Variants in NOL10 observed in about 807,000 individuals in gnomAD.
NOL10 encodes the protein H_NH0074G24.1.
In NOL10, 58 loss-of-function variants were observed where a neutral mutation model predicts 103.5. That is an observed-to-expected ratio of 0.56 (90% CI 0.45 to 0.70). The LOEUF is 0.70. NOL10 is among the 30% of genes least tolerant of loss of function. The pLI, the probability that NOL10 is intolerant of heterozygous loss-of-function variation, is 0.00. For missense variants in NOL10, 763 were observed against 807.3 expected, an observed-to-expected ratio of 0.95 and a Z score of 0.67; for synonymous variants, 287 against 282.5, an observed-to-expected ratio of 1.02 and a Z score of -0.16.
At chr2:10,572,302 G>A (rs1674220098) in intron 20 of NOL10, 112 bp from the exon 21 acceptor site, 7 of 1,145,558 alleles carry the variant, frequency 6.1e-6, no homozygotes, top group Middle Eastern at 2.0e-4. Context: ...CTGCTGCCAG[G>A]AGAAATGCTG....
chr2:10,589,689 T>C lies in NOL10; in HGVS notation c.1485A>G (p.Gln495=). 1.3e-6 allele frequency: 2 copies of C among 1,585,892 alleles called. No individual in the cohort carries two copies. The highest frequency in any genetic ancestry group is 1.3e-5 in the African/African-American group (1 of 74,262). Residue 495 remains glutamine, a synonymous_variant, in exon 18 of 21, where the codon CAA becomes CAG. Coordinates refer to ENST00000381685, the MANE Select transcript of NOL10 (RefSeq NM_024894.4). The part of the protein sequence containing the change: ...FKVMFENPDF[Q]VDEESEEFRL... ...TAAATTCTTCACTCTCTTCATCTAC[T>C]TGGAAGTCAGGGTTCTCAAACATAA...
At chr2:10,659,995 A>T (rs1680090793) in intron 9 of NOL10, among the ~76,000 whole-genome samples, 1 of 152,202 alleles carries the variant, frequency 6.6e-6, no homozygotes, top group Non-Finnish European at 1.5e-5. Flanking sequence ...TGCTTCTCAC[A>T]TACCAACCAA....
chr2:10,652,513 A>C lies in NOL10; in HGVS notation c.973+1968T>G, dbSNP rs540145327. 2.0e-5 allele frequency among the ~76,000 whole-genome samples: 3 copies of C among 152,300 alleles called. No homozygotes were observed. The East Asian group carries it at 5.8e-4, about 29-fold the overall frequency. ...TCCAGATTGATAACAGCAGCATGCA[A>C]TCAATCTTAGTTCTTTCCTTCCTGC... On this transcript the variant is annotated intron_variant, in intron 12 of 20. Coordinates refer to ENST00000381685, the MANE Select transcript of NOL10 (RefSeq NM_024894.4).
intron 13 of NOL10, among the ~76,000 whole-genome samples, chr2:10,610,571 T>C (rs1046347257): frequency 6.6e-6 from 1 of 152,230 alleles, no homozygotes; most frequent in Non-Finnish European, 1.5e-5. Context: ...GTTGAAATTA[T>C]TGATTTACAC....
intron 6 of NOL10, among the ~76,000 whole-genome samples, chr2:10,670,408 C>A (rs752044289): frequency 6.6e-6 from 1 of 151,958 alleles, no homozygotes; most frequent in African/African-American, 2.4e-5. Context: ...ATACTAATAG[C>A]CAAAAAGATA....
At chr2:10,633,880 G>T (rs1384031374) in intron 13 of NOL10, among the ~76,000 whole-genome samples, 1 of 151,968 alleles carries the variant, frequency 6.6e-6, no homozygotes, top group Non-Finnish European at 1.5e-5. Context: ...AGGCTGGAGT[G>T]CAGTAGCATG....
At chr2:10,592,165 G>A (rs954117909) in intron 17 of NOL10, among the ~76,000 whole-genome samples, 1 of 152,170 alleles carries the variant, frequency 6.6e-6, no homozygotes, top group Non-Finnish European at 1.5e-5. Context: ...TTAGGGCAAT[G>A]GGAACAGACA....
chr2:10,588,556 T>A (rs1221406062), intron 19 of NOL10, among the ~76,000 whole-genome samples: 2 of 152,186 alleles, frequency 1.3e-5, no homozygotes, highest in Admixed American at 1.3e-4. Flanking sequence ...AGGTTCTAAT[T>A]TTTTAAAATA....
chr2:10,689,731 C>T, intron 1 of NOL10, 65 bp downstream of exon 1: 1 of 1,471,204 alleles, frequency 6.8e-7, no homozygotes, highest in Non-Finnish European at 9.3e-7. Context: ...AGGAGAGGGG[C>T]GGCTGCCCCA....
intron 13 of NOL10, among the ~76,000 whole-genome samples, chr2:10,608,115 T>C (rs1056428329): frequency 6.6e-6 from 1 of 152,184 alleles, no homozygotes; most frequent in African/African-American, 2.4e-5. Flanking sequence ...TTCCACAACA[T>C]ATACATGTTT....
intron 12 of NOL10, among the ~76,000 whole-genome samples, chr2:10,650,020 G>C (rs1307882435): frequency 6.6e-6 from 1 of 152,154 alleles, no homozygotes; most frequent in Non-Finnish European, 1.5e-5. Context: ...CTATAGGTCA[G>C]TTTGCCAAAT....
At chr2:10,617,551 C>T (rs6710033) in intron 13 of NOL10, among the ~76,000 whole-genome samples, 89,932 of 151,894 alleles carry the variant, frequency 0.59, 27,628 homozygotes, top group African/African-American at 0.74. Flanking sequence ...AATTATGTTA[C>T]TTAAAGCATC....
chr2:10,675,902 A>C, intron 3 of NOL10, 31 bp from the exon 4 acceptor site: 1 of 1,237,918 alleles, frequency 8.1e-7, no homozygotes, highest in South Asian at 1.4e-5. Context: ...GTAAAACCTA[A>C]AGACATACTT....
chr2:10,615,265 A>G lies in NOL10; in HGVS notation c.1027-7954T>C, dbSNP rs116157287. Among the ~76,000 whole-genome samples the G allele has an allele frequency of 2.2e-3, 334 of 152,364 alleles. 3 individuals are homozygous for G. Among genetic ancestry groups the G allele is most frequent in the African/African-American group, 7.7e-3 (320 of 41,576 alleles). On this transcript the variant is annotated intron_variant, in intron 13 of 20. Coordinates refer to ENST00000381685, the MANE Select transcript of NOL10 (RefSeq NM_024894.4). ...TAAAAGATTTATTTTTAAAAAAGAA[A>G]AACTATTACCTGCCATGACTTAATA... is the stretch of plus-strand genomic sequence containing the variant.
At chr2:10,581,616 CAGA>C (rs1558266448) in intron 19 of NOL10, among the ~76,000 whole-genome samples, 3 of 152,114 alleles carry the variant, frequency 2.0e-5, no homozygotes, top group African/African-American at 7.2e-5. Flanking sequence ...GTTGTGAGGC[CAGA>C]AGTTCAACAC....
At chr2:10,626,044 T>G (rs1405959912) in intron 13 of NOL10, among the ~76,000 whole-genome samples, 1 of 151,688 alleles carries the variant, frequency 6.6e-6, no homozygotes, top group East Asian at 1.9e-4. Context: ...TAGCCAGGCA[T>G]GGTGGTATGT....
chr2:10,575,038 A>G (rs1194999900), intron 20 of NOL10, among the ~76,000 whole-genome samples: 1 of 152,232 alleles, frequency 6.6e-6, no homozygotes, highest in Non-Finnish European at 1.5e-5. Context: ...TCTATGGGCC[A>G]TTAGCGCTTC....
At position 10,589,341 on chromosome 2, in the gene NOL10, AC is replaced by A. The variant is rs1404980671; in HGVS notation, c.1597-52del. 3.8e-6 allele frequency: 6 copies of A among 1,599,794 alleles called. No homozygotes were observed. The Admixed American group carries it at 1.0e-4, about 27-fold the overall frequency. On this transcript the variant is annotated intron_variant, in intron 18 of 20. Coordinates refer to ENST00000381685, the MANE Select transcript of NOL10 (RefSeq NM_024894.4). Reference sequence around the variant, plus strand: ...ACTCCTTTCCCCCAGTCAAACACAGACCCCTTGGTTTCTCTGAAGCAGCACT... The same window carrying A: ...ACTCCTTTCCCCCAGTCAAACACAGACCCTTGGTTTCTCTGAAGCAGCACT...
At chr2:10,579,911 G>A (rs1211547063) in intron 19 of NOL10, among the ~76,000 whole-genome samples, 1 of 152,190 alleles carries the variant, frequency 6.6e-6, no homozygotes, top group African/African-American at 2.4e-5. Flanking sequence ...ACTCTGTTAA[G>A]AATGACCTTA....
Sources: allele counts gnomAD v4.1 joint callset (sites outside exome capture counted in the v4.1 genomes callset), GRCh38; gene constraint gnomAD v4.1.1; transcripts MANE v1.5; gene names NCBI Gene and HGNC (gene_info 2026-07-23, HGNC 2026-07-21).